Variants in TCF4 observed in about 807,000 individuals in gnomAD.
TCF4 encodes the protein transcription factor 4.
A neutral mutation model predicts 82.1 loss-of-function variants in TCF4; 3 were observed. That is an observed-to-expected ratio of 0.04 (90% CI 0.02 to 0.09). The LOEUF is 0.09. Among genes scored for constraint, TCF4 ranks in the 10% least tolerant of loss-of-function variants. The pLI is 1.00. For synonymous variants in TCF4, 276 were observed against 309.6 expected, an observed-to-expected ratio of 0.89 and a Z score of 1.14; for missense variants, 518 against 852.7, an observed-to-expected ratio of 0.61 and a Z score of 4.89.
At chr18:55,539,014 ACT>A (rs934670943) in intron 3 of TCF4, among the ~76,000 whole-genome samples, 2 of 151,180 alleles carry the variant, frequency 1.3e-5, no homozygotes, top group African/African-American at 4.9e-5. Context: ...CTCCAAACAC[ACT>A]CTCACACACG....
intron 8 of TCF4, among the ~76,000 whole-genome samples, chr18:55,305,256 C>T (rs976689958): frequency 6.6e-6 from 1 of 152,112 alleles, no homozygotes; most frequent in African/African-American, 2.4e-5. Context: ...TGACTATAAA[C>T]AATTTCTCTT....
chr18:55,241,895 T>G (rs1212082006), intron 15 of TCF4, among the ~76,000 whole-genome samples: 2 of 152,248 alleles, frequency 1.3e-5, no homozygotes, highest in African/African-American at 4.8e-5. Context: ...GGATCCAGTC[T>G]AAGAGGTCCA....
intron 2 of TCF4, among the ~76,000 whole-genome samples, chr18:55,621,702 T>C (rs1197466211): frequency 6.9e-5 from 6 of 87,024 alleles, no homozygotes; most frequent in Admixed American, 4.3e-4. Flanking sequence ...ATATAATATA[T>C]ATTATATAAT....
chr18:55,386,288 T>C (rs1381774152), intron 6 of TCF4, among the ~76,000 whole-genome samples: 2 of 152,166 alleles, frequency 1.3e-5, no homozygotes, highest in African/African-American at 4.8e-5. Context: ...AAAGCTATAA[T>C]ACCATCCACT....
chr18:55,620,749 C>T (rs2097716996), intron 2 of TCF4, among the ~76,000 whole-genome samples: 1 of 151,454 alleles, frequency 6.6e-6, no homozygotes, highest in Non-Finnish European at 1.5e-5. Context: ...TATTCTTTGT[C>T]GTCCATTGCC....
chr18:55,307,674 T>C (rs1449947944), intron 8 of TCF4, among the ~76,000 whole-genome samples: 1 of 152,228 alleles, frequency 6.6e-6, no homozygotes, highest in East Asian at 1.9e-4. Context: ...AAAGTGGTAT[T>C]TGCATAACAG....
intron 5 of TCF4, among the ~76,000 whole-genome samples, chr18:55,404,928 G>A (rs912072377): frequency 3.9e-5 from 6 of 152,262 alleles, no homozygotes; most frequent in Middle Eastern, 3.4e-3. Flanking sequence ...AAACACCTCC[G>A]CCCCATTTCT....
chr18:55,601,186 G>A (rs1229032209), intron 2 of TCF4, among the ~76,000 whole-genome samples: 2 of 152,184 alleles, frequency 1.3e-5, no homozygotes, highest in African/African-American at 4.8e-5. Context: ...CAAAGCAGCT[G>A]TGCTCATAAT....
intron 3 of TCF4, among the ~76,000 whole-genome samples, chr18:55,477,905 C>G (rs958235945): frequency 6.6e-6 from 1 of 152,070 alleles, no homozygotes; most frequent in Non-Finnish European, 1.5e-5. Flanking sequence ...TGCCTTTTGC[C>G]CATCTGATAA....
At chr18:55,521,306 T>C (rs1011580947) in intron 3 of TCF4, among the ~76,000 whole-genome samples, 1 of 152,150 alleles carries the variant, frequency 6.6e-6, no homozygotes, top group Non-Finnish European at 1.5e-5. Flanking sequence ...ACTTAACTCA[T>C]TACCTTAAAA....
chr18:55,416,838 T>A (rs1222374162), intron 5 of TCF4, among the ~76,000 whole-genome samples: 2 of 152,222 alleles, frequency 1.3e-5, no homozygotes. Flanking sequence ...AATGCCTCTT[T>A]ACGTGGGTAA....
rs1460541898 is a variant in TCF4, at chr18:55,424,003, T to G, written c.305-20485A>C. Among the ~76,000 whole-genome samples the G allele has an allele frequency of 2.6e-5, 4 of 152,054 alleles. 1 individual carries two copies. Among genetic ancestry groups the G allele is most frequent in the Middle Eastern group, 6.3e-3 (2 of 316 alleles). On this transcript the variant is annotated intron_variant, in intron 5 of 19. Transcript: ENST00000354452. ...CTCCTTCTGCCATCCCCATGGCCCCTCCCTCTCCAACCACCATCAGAATCG... is the reference window on the plus strand; with the variant it reads ...CTCCTTCTGCCATCCCCATGGCCCCGCCCTCTCCAACCACCATCAGAATCG...
chr18:55,523,851 T>C (rs1448159479), intron 3 of TCF4, among the ~76,000 whole-genome samples: 1 of 152,124 alleles, frequency 6.6e-6, no homozygotes, highest in Non-Finnish European at 1.5e-5. Context: ...TTTTCTGTGA[T>C]GTTCATGCCA....
At chr18:55,442,235 C>A (rs1444373457) in intron 5 of TCF4, among the ~76,000 whole-genome samples, 2 of 152,138 alleles carry the variant, frequency 1.3e-5, no homozygotes, top group Non-Finnish European at 2.9e-5. Flanking sequence ...ACTGCTAAAC[C>A]ATGTGCAGAA....
At chr18:55,524,469 A>G (rs1319823410) in intron 3 of TCF4, among the ~76,000 whole-genome samples, 4 of 152,112 alleles carry the variant, frequency 2.6e-5, no homozygotes, top group African/African-American at 4.8e-5. Flanking sequence ...CTTGCTAATC[A>G]TTTTCAGATA....
chr18:55,434,422 T>TC (rs1172187369), intron 5 of TCF4, among the ~76,000 whole-genome samples: 1 of 145,716 alleles, frequency 6.9e-6, no homozygotes, highest in Non-Finnish European at 1.5e-5. Context: ...GGACATTCTT[T>TC]TTTTTTTTTT....
chr18:55,389,021 G>T (rs2092840873), intron 6 of TCF4, among the ~76,000 whole-genome samples: 1 of 152,024 alleles, frequency 6.6e-6, no homozygotes, highest in African/African-American at 2.4e-5. Flanking sequence ...AGCTACTCGG[G>T]AGACTGAGGC....
Position 55,223,816 on chromosome 18 carries a change from A to T in TCF4, c.*4219T>A, listed in dbSNP as rs751460810. 6.6e-6 allele frequency: 1 copy of T among 152,372 alleles called. No homozygotes were observed. The highest frequency in any genetic ancestry group is 1.5e-5 in the Non-Finnish European group (1 of 67,992). The allele number at this position is 152,372 out of a possible 1,614,324, so 9.4% of individuals were successfully genotyped here. A position where few individuals can be genotyped will look rare whatever the true frequency, so the allele number is the denominator to read the frequency against. ...TACAACTAAAAACAAAAACAAAAAC[A>T]AAAACAAAACAAAAAACAAACAAAA... On this transcript the variant is annotated 3_prime_UTR_variant, in exon 20 of 20. Coordinates refer to ENST00000354452, the MANE Select transcript of TCF4 (RefSeq NM_001083962.2).
chr18:55,225,976 C>CAA lies in TCF4; in HGVS notation c.*2058_*2059insTT, dbSNP rs2046538392. On this transcript the variant is annotated 3_prime_UTR_variant, in exon 20 of 20. Transcript: ENST00000354452. The stretch of plus-strand genomic sequence containing the variant: ...CAGAAATGAACATAAAATTCTGATT[C>CAA]TTGTAGCTATTTCATTTAAATGAGA... 1 of 152,302 alleles carries CAA rather than the reference C, an allele frequency of 6.6e-6. No homozygotes were observed. The highest frequency in any genetic ancestry group is 1.5e-5 in the Non-Finnish European group (1 of 67,948). 9.4% of individuals were successfully genotyped at this position (152,302 alleles called of 1,614,324 possible).
Sources: gnomAD v4.1 joint callset for allele counts (sites outside exome capture counted in the v4.1 genomes callset) on GRCh38, gnomAD v4.1.1 for gene constraint, MANE v1.5 for transcripts, NCBI Gene and HGNC (gene_info 2026-07-23, HGNC 2026-07-21) for gene names.